ANGEL2: variants seen among roughly 807,000 people sequenced by gnomAD.
ANGEL2 encodes angel homolog 2, also known as RNA 2',3'-cyclic phosphatase ANGEL2.
A neutral mutation model predicts 66.0 loss-of-function variants in ANGEL2; 41 were observed. The observed-to-expected ratio is 0.62, with a 90% CI of 0.48 to 0.81. The LOEUF is 0.81. Ranked by LOEUF, ANGEL2 falls within the 30% of genes least tolerant of loss-of-function variation. The pLI is 0.00. For synonymous variants in ANGEL2, 208 were observed against 226.5 expected (o/e 0.92, Z 0.73); for missense variants, 561 against 641.6 (o/e 0.87, Z 1.36).
chr1:213,000,564 ACAATTC>A, intron 6 of ANGEL2, 181 bp from the exon 7 acceptor site: 3 of 762,418 alleles, frequency 3.9e-6, no homozygotes, highest in Non-Finnish European at 6.0e-6. Flanking sequence ...AAAAATGCAA[ACAATTC>A]CAAAGCAACA....
At position 212,992,377 on chromosome 1, in the gene ANGEL2, A is replaced by G. The variant is rs1038543596; in HGVS notation, c.*2664T>C. The G allele has an allele frequency of 6.6e-6, 1 of 152,254 alleles. No homozygotes were observed. Among genetic ancestry groups the G allele is most frequent in the African/African-American group, 2.4e-5 (1 of 41,466 alleles). 9.4% of individuals were successfully genotyped at this position (152,254 alleles called of 1,614,324 possible). On this transcript the variant is annotated 3_prime_UTR_variant, in exon 9 of 9. Coordinates refer to ENST00000366962, the MANE Select transcript of ANGEL2 (RefSeq NM_144567.5). ...ATATTATCTTGATAGCAAAAGGTAC[A>G]GTAAAACCAAAATTTCATTACTCCA... is the stretch of plus-strand genomic sequence containing the variant.
In ANGEL2 at chr1:212,997,185, C is replaced by A; in HGVS notation, c.1453G>T (p.Ala485Ser). ...AITVDYIFYS[A>S]EKEDVAGHPG... ...TGCCCAGCAACATCTTCCTTTTCTG[C>A]AGAGTAGAAAATATAATCCACAGTT... is the stretch of plus-strand genomic sequence containing the variant. The change falls in exon 8 of 9, where the codon GCA becomes TCA. Residue 485 changes from alanine to serine, a missense_variant. Transcript: ENST00000366962. 6.2e-7 allele frequency: 1 copy of A among 1,613,318 alleles called. No individual in the cohort carries two copies. Among genetic ancestry groups the A allele is most frequent in the Non-Finnish European group, 8.5e-7 (1 of 1,179,426 alleles).
chr1:213,012,530 T>C (rs1572157518), intron 2 of ANGEL2, among the ~76,000 whole-genome samples: 1 of 152,208 alleles, frequency 6.6e-6, no homozygotes, highest in East Asian at 1.9e-4. Context: ...GTGGTTCCCT[T>C]TCTTAAAGAT....
At chr1:213,012,829 A>C (rs1304721473) in intron 2 of ANGEL2, among the ~76,000 whole-genome samples, 1 of 152,226 alleles carries the variant, frequency 6.6e-6, no homozygotes, top group Non-Finnish European at 1.5e-5. Context: ...TTACTTTTGT[A>C]ATCTATTTCT....
chr1:212,996,638 AAAAT>A (rs2076022997), intron 8 of ANGEL2, among the ~76,000 whole-genome samples: 3 of 53,176 alleles, frequency 5.6e-5, no homozygotes, highest in African/African-American at 9.5e-5. Flanking sequence ...AAAAAAAAAA[AAAAT>A]ATATATATAT....
At position 212,997,199 on chromosome 1, in the gene ANGEL2, TA is replaced by T. The variant is rs2076048909; in HGVS notation, c.1438del (p.Tyr480IlefsTer25). The T allele has an allele frequency of 6.2e-7, 1 of 1,613,836 alleles. No individual in the cohort carries two copies. The highest frequency in any genetic ancestry group is 1.3e-5 in the African/African-American group (1 of 74,944). On this transcript the variant is annotated frameshift_variant, in exon 8 of 9. Coordinates refer to ENST00000366962, the MANE Select transcript of ANGEL2 (RefSeq NM_144567.5). LOFTEE classifies it high-confidence loss of function. ...CHSRSAITVD[Y>X]IFYSAEKEDV... Reference sequence around the variant, plus strand: ...TTCCTTTTCTGCAGAGTAGAAAATATAATCCACAGTTATGGCACTTCGGGAA... The same window carrying T: ...TTCCTTTTCTGCAGAGTAGAAAATATATCCACAGTTATGGCACTTCGGGAA...
intron 1 of ANGEL2, chr1:213,015,077 C>A (rs1454476296): frequency 2.1e-6 from 2 of 971,786 alleles, no homozygotes; most frequent in African/African-American, 3.5e-5. Flanking sequence ...GTAAATAATA[C>A]ACGTGAAACA....
At chr1:213,012,889 A>T (rs1187778405) in intron 2 of ANGEL2, among the ~76,000 whole-genome samples, 2 of 152,186 alleles carry the variant, frequency 1.3e-5, no homozygotes. Flanking sequence ...CTATTTTTAT[A>T]GTCAGAAATA....
intron 7 of ANGEL2, among the ~76,000 whole-genome samples, chr1:212,999,747 T>C (rs1046325983): frequency 2.0e-5 from 3 of 152,256 alleles, no homozygotes; most frequent in Non-Finnish European, 1.5e-5. Flanking sequence ...ATTTCTTTAA[T>C]GAAGAATTCC....
chr1:213,004,776 G>A (rs886981402), intron 5 of ANGEL2, among the ~76,000 whole-genome samples: 3 of 148,516 alleles, frequency 2.0e-5, no homozygotes, highest in East Asian at 2.0e-4. Context: ...GCTGAGGCAG[G>A]AGAATCACTT....
At chr1:213,004,171 C>T (rs540345971) in intron 5 of ANGEL2, among the ~76,000 whole-genome samples, 5 of 151,840 alleles carry the variant, frequency 3.3e-5, no homozygotes, top group Admixed American at 2.6e-4. Context: ...CATTGCACTC[C>T]AGCCTGGCGA....
At chr1:213,001,029 C>G in intron 5 of ANGEL2, 117 bp from the exon 6 acceptor site, 1 of 955,278 alleles carries the variant, frequency 1.0e-6, no homozygotes, top group Non-Finnish European at 1.5e-6. Context: ...ACCCTTTATT[C>G]ATTGTATTAA....
chr1:213,011,230 G>A (rs1349134842), intron 2 of ANGEL2: 1 of 1,289,224 alleles, frequency 7.8e-7, no homozygotes, highest in African/African-American at 1.5e-5. Flanking sequence ...GAGGAACAAG[G>A]TGATCACAGC....
chr1:213,000,590 A>G, intron 6 of ANGEL2, 196 bp downstream of exon 6: 4 of 758,306 alleles, frequency 5.3e-6, no homozygotes. Flanking sequence ...ATGCAAGTAA[A>G]TCATGCACAG....
intron 7 of ANGEL2, among the ~76,000 whole-genome samples, chr1:212,997,615 T>A (rs1302225083): frequency 6.6e-6 from 1 of 152,222 alleles, no homozygotes. Flanking sequence ...ACATGTATTC[T>A]AACAAGTTTT....
At chr1:212,996,834 G>A (rs2148132772) in intron 8 of ANGEL2, among the ~76,000 whole-genome samples, 1 of 151,260 alleles carries the variant, frequency 6.6e-6, no homozygotes, top group East Asian at 2.0e-4. Flanking sequence ...TCCTGTCACA[G>A]GAAAAACAGT....
chr1:212,998,771 C>T (rs1383591706), intron 7 of ANGEL2, among the ~76,000 whole-genome samples: 1 of 152,078 alleles, frequency 6.6e-6, no homozygotes, highest in Non-Finnish European at 1.5e-5. Flanking sequence ...CATGATCCGC[C>T]CGCCTCAGCC....
Position 213,005,359 on chromosome 1 carries a change from G to A in ANGEL2, c.808C>T (p.Pro270Ser), listed in dbSNP as rs1484461009. ...HSKFSLLSVN[P>S]VEFFRPDISL... Reference sequence around the variant, plus strand: ...ATATCAGGGCGGAAGAATTCCACTGGGTTCACTGACAAGAGTGAAAATTTG... The same window carrying A: ...ATATCAGGGCGGAAGAATTCCACTGAGTTCACTGACAAGAGTGAAAATTTG... The change falls in exon 5 of 9, where the codon CCA becomes TCA. Residue 270 changes from proline (P) to serine (S), a missense_variant. Transcript: ENST00000366962. 3 of 1,614,074 alleles carry A rather than the reference G, an allele frequency of 1.9e-6. No homozygotes were observed. Among genetic ancestry groups the A allele is most frequent in the African/African-American group, 2.7e-5 (2 of 74,912 alleles).
intron 1 of ANGEL2, among the ~76,000 whole-genome samples, chr1:213,014,635 CT>C (rs889309745): frequency 2.0e-5 from 3 of 152,058 alleles, no homozygotes; most frequent in African/African-American, 7.2e-5. Flanking sequence ...TTTATTCAGA[CT>C]TTTTTTTCTC....
Sources: gnomAD v4.1 joint callset for allele counts (sites outside exome capture counted in the v4.1 genomes callset) on GRCh38, gnomAD v4.1.1 for gene constraint, MANE v1.5 for transcripts, NCBI Gene and HGNC (gene_info 2026-07-23, HGNC 2026-07-21) for gene names.